CTSS: variants seen among roughly 807,000 people sequenced by gnomAD.
CTSS encodes cathepsin S.
A neutral mutation model predicts 39.9 loss-of-function variants in CTSS; 15 were observed. The observed-to-expected ratio is 0.38, with a 90% CI of 0.25 to 0.58. The LOEUF is 0.58. Among genes scored for constraint, CTSS ranks in the 20% least tolerant of loss-of-function variants. The pLI is 0.70. For missense variants in CTSS, 250 were observed against 398.2 expected (o/e 0.63, Z 3.17); for synonymous variants, 126 against 138.2 (o/e 0.91, Z 0.62).
intron 7 of CTSS, among the ~76,000 whole-genome samples, chr1:150,742,775 G>A (rs1652794981): frequency 6.6e-6 from 1 of 152,096 alleles, no homozygotes; most frequent in African/African-American, 2.4e-5. Flanking sequence ...CCAAGATGAT[G>A]CTTAGGCTTT....
chr1:150,762,208 A>T (rs1653281634), intron 2 of CTSS, among the ~76,000 whole-genome samples: 1 of 152,220 alleles, frequency 6.6e-6, no homozygotes, highest in African/African-American at 2.4e-5. Context: ...TAGTATTGGG[A>T]AAACTGGCTA....
intron 7 of CTSS, among the ~76,000 whole-genome samples, chr1:150,745,695 A>T (rs1271059823): frequency 6.6e-6 from 1 of 151,954 alleles, no homozygotes; most frequent in Non-Finnish European, 1.5e-5. Flanking sequence ...ATGAATAGAG[A>T]CAGAAATGCA....
At chr1:150,759,665 G>A (rs1653211461) in intron 2 of CTSS, among the ~76,000 whole-genome samples, 1 of 152,024 alleles carries the variant, frequency 6.6e-6, no homozygotes, top group Admixed American at 6.6e-5. Flanking sequence ...TTTATTCAGA[G>A]TGAATTTACA....
At position 150,753,139 on chromosome 1, in the gene CTSS, G is replaced by A. The variant is rs587689942; in HGVS notation, c.400-1131C>T. Among the ~76,000 whole-genome samples the A allele has an allele frequency of 4.6e-5, 7 of 152,248 alleles. No homozygotes were observed. The South Asian group carries it at 6.2e-4, about 14-fold the overall frequency. ...CAAAGTGCTGGAATCACAGATGTGA[G>A]CCACTGTGCCTGGCCACCATTTACT... On this transcript the variant is annotated intron_variant, in intron 4 of 7. Transcript: ENST00000368985.
rs587623266 is a variant in CTSS at position 150,759,041 on chromosome 1, T to A, written c.127-1061A>T. ...TTTTTATTTTTATTTTATTATTATT[T>A]TTTTTTTTTGTAGAGACAGGGTCTC... On this transcript the variant is annotated intron_variant, in intron 2 of 7. Coordinates refer to ENST00000368985, the MANE Select transcript of CTSS (RefSeq NM_004079.5). 1.5e-3 allele frequency among the ~76,000 whole-genome samples: 220 copies of A among 149,760 alleles called. 1 individual carries two copies. The highest frequency in any genetic ancestry group is 2.1e-3 in the East Asian group (11 of 5,126).
In CTSS at chr1:150,730,529, T is replaced by TTA. The variant is rs1652497088; in HGVS notation, c.*2515_*2516dup. On this transcript the variant is annotated 3_prime_UTR_variant, in exon 8 of 8. Coordinates refer to ENST00000368985, the MANE Select transcript of CTSS (RefSeq NM_004079.5). ...AAGGTCAGAAAATCCTTCCCAGGTTTTATGGCTGCTTCTGGGGAGAACAGC... is the reference window on the plus strand; with the variant it reads ...AAGGTCAGAAAATCCTTCCCAGGTTTTATATGGCTGCTTCTGGGGAGAACAGC... 6.9e-6 allele frequency: 1 copy of TTA among 145,440 alleles called. No homozygotes were observed. The highest frequency in any genetic ancestry group is 2.5e-5 in the African/African-American group (1 of 39,962). 9.0% of individuals were successfully genotyped at this position (145,440 alleles called of 1,614,324 possible).
intron 7 of CTSS, among the ~76,000 whole-genome samples, chr1:150,735,552 G>A (rs1448926982): frequency 1.3e-5 from 2 of 151,862 alleles, no homozygotes; most frequent in South Asian, 2.1e-4. Flanking sequence ...AAACTCCATC[G>A]TCACCTCTAA....
rs587746473 is a variant in CTSS, at chr1:150,750,881, A to T, written c.628-710T>A. Among the ~76,000 whole-genome samples the T allele has an allele frequency of 3.3e-5, 5 of 152,160 alleles. No homozygotes were observed. In the South Asian group the frequency reaches 1.0e-3, roughly 32 times the overall value. ...GGTCTCAAACTCTTGAGCTCAAGCA[A>T]TCCTCCCACCTCGACCTCCCAAAGT... On this transcript the variant is annotated intron_variant, in intron 5 of 7. Transcript: ENST00000368985.
chr1:150,743,634 T>C, intron 7 of CTSS, among the ~76,000 whole-genome samples: 1 of 89,984 alleles, frequency 1.1e-5, no homozygotes, highest in Non-Finnish European at 2.4e-5. Flanking sequence ...TATGTATACA[T>C]AATATATTAT....
chr1:150,753,573 C>T (rs12757280), intron 4 of CTSS, among the ~76,000 whole-genome samples: 12,974 of 152,238 alleles, frequency 0.085, 699 homozygotes, highest in Non-Finnish European at 0.13. Context: ...CAATGCATAG[C>T]GTGAGCAATA....
intron 7 of CTSS, among the ~76,000 whole-genome samples, chr1:150,737,727 A>G (rs933533801): frequency 1.3e-5 from 2 of 152,184 alleles, no homozygotes; most frequent in African/African-American, 4.8e-5. Flanking sequence ...GGAGAAACAT[A>G]TGATAAACGA....
intron 7 of CTSS, among the ~76,000 whole-genome samples, chr1:150,747,384 C>T (rs1652912537): frequency 6.6e-6 from 1 of 151,988 alleles, no homozygotes; most frequent in South Asian, 2.1e-4. Flanking sequence ...AAGCTATTGG[C>T]ATATAAAGGT....
At chr1:150,752,653 T>C (rs1653030646) in intron 4 of CTSS, among the ~76,000 whole-genome samples, 1 of 152,208 alleles carries the variant, frequency 6.6e-6, no homozygotes, top group South Asian at 2.1e-4. Flanking sequence ...TGCTTTTGAT[T>C]GAAGCAAAAT....
chr1:150,740,602 C>T (rs1652729799), intron 7 of CTSS, among the ~76,000 whole-genome samples: 1 of 152,088 alleles, frequency 6.6e-6, no homozygotes, highest in Non-Finnish European at 1.5e-5. Context: ...CCGTGTTAGC[C>T]AGGATGGTCT....
At chr1:150,747,639 T>C in intron 7 of CTSS, 138 bp downstream of exon 7, 3 of 644,008 alleles carry the variant, frequency 4.7e-6, no homozygotes, top group Non-Finnish European at 8.3e-6. Context: ...TAATTTAGAA[T>C]GTCACTTTGT....
chr1:150,733,029 T>C lies in CTSS; in HGVS notation c.*17A>G. On this transcript the variant is annotated 3_prime_UTR_variant, in exon 8 of 8. Transcript: ENST00000368985. ...GTGCTTCATATTTCTTGATTTGTTA[T>C]AAAAAGGAGAGATCCTCTAGATTTC... 6.4e-7 allele frequency: 1 copy of C among 1,558,046 alleles called. No homozygotes were observed. The highest frequency in any genetic ancestry group is 8.8e-7 in the Non-Finnish European group (1 of 1,134,398).
chr1:150,765,299 T>TC (rs1653351974), intron 1 of CTSS, among the ~76,000 whole-genome samples: 2 of 148,280 alleles, frequency 1.3e-5, no homozygotes, highest in African/African-American at 2.6e-5. Flanking sequence ...TTTTTTTTTT[T>TC]TAATGATCAG....
intron 4 of CTSS, among the ~76,000 whole-genome samples, chr1:150,753,692 A>C (rs1466028016): frequency 1.3e-5 from 2 of 152,162 alleles, no homozygotes; most frequent in Admixed American, 6.5e-5. Flanking sequence ...GCTCATGCCT[A>C]TAATCCCAGG....
chr1:150,737,870 C>T (rs895765445), intron 7 of CTSS, among the ~76,000 whole-genome samples: 3 of 152,076 alleles, frequency 2.0e-5, no homozygotes, highest in Admixed American at 6.5e-5. Context: ...TGGATGTTTG[C>T]GCAAAGATGC....
Sources: gnomAD v4.1 joint callset for allele counts (sites outside exome capture counted in the v4.1 genomes callset) on GRCh38, gnomAD v4.1.1 for gene constraint, MANE v1.5 for transcripts, NCBI Gene and HGNC (gene_info 2026-07-23, HGNC 2026-07-21) for gene names.